LCOR: variants seen among roughly 807,000 people sequenced by gnomAD.
LCOR encodes the protein ligand-dependent corepressor.
Under a neutral mutation model 64.4 loss-of-function variants are expected in LCOR, and 14 were observed. The ratio of observed to expected loss-of-function variants is 0.22; its 90% CI spans 0.14 to 0.34. The LOEUF (loss-of-function observed/expected upper bound fraction) is 0.34. Among genes scored for constraint, LCOR ranks in the 10% least tolerant of loss-of-function variants. The pLI, the probability that LCOR is intolerant of heterozygous loss-of-function variation, is 1.00. For synonymous variants in LCOR, 643 were observed against 642.5 expected, an observed-to-expected ratio of 1.00 and a Z score of -0.01; for missense variants, 1,686 against 1,765.3, an observed-to-expected ratio of 0.96 and a Z score of 0.80.
At chr10:96,895,678 T>C (rs36099025) in intron 2 of LCOR, among the ~76,000 whole-genome samples, 3,463 of 152,352 alleles carry the variant, frequency 0.023, 66 homozygotes, top group Non-Finnish European at 0.037. Flanking sequence ...TTGCTGACCA[T>C]GCCTGCTTTC....
At chr10:96,946,758 C>T (rs1453250022) in intron 5 of LCOR, among the ~76,000 whole-genome samples, 2 of 152,046 alleles carry the variant, frequency 1.3e-5, no homozygotes, top group African/African-American at 4.8e-5. Flanking sequence ...AATAAAGAGA[C>T]AAGATACTGC....
chr10:96,880,698 A>G (rs1452443221), intron 2 of LCOR, among the ~76,000 whole-genome samples: 1 of 152,166 alleles, frequency 6.6e-6, no homozygotes, highest in Non-Finnish European at 1.5e-5. Flanking sequence ...ACACCTGGCC[A>G]GTTATCTGTC....
intron 4 of LCOR, among the ~76,000 whole-genome samples, chr10:96,916,807 G>GT (rs1204133932): frequency 6.6e-6 from 1 of 151,950 alleles, no homozygotes; most frequent in Non-Finnish European, 1.5e-5. Flanking sequence ...TAGAGATGGG[G>GT]TTTCACCATG....
rs898794767 is a variant in LCOR at position 96,986,694 on chromosome 10, T to C, written c.*1560T>C. The C allele has an allele frequency of 6.6e-6, 1 of 152,164 alleles. No homozygotes were observed. The highest frequency in any genetic ancestry group is 2.4e-5 in the African/African-American group (1 of 41,442). The allele number at this position is 152,164 out of a possible 1,614,324, so 9.4% of individuals were successfully genotyped here. A position where few individuals can be genotyped will look rare whatever the true frequency, so the allele number is the denominator to read the frequency against. On this transcript the variant is annotated 3_prime_UTR_variant, in exon 8 of 8. Transcript: ENST00000421806. ...GTGCAGCGTGTACTTGACTTTTCCA[T>C]TGGGCCGCTCTACAAAAAAAGGCTT...
At chr10:96,836,153 C>T (rs929962799) in intron 2 of LCOR, among the ~76,000 whole-genome samples, 5 of 152,188 alleles carry the variant, frequency 3.3e-5, no homozygotes, top group African/African-American at 9.7e-5. Flanking sequence ...CCCTAATTTC[C>T]TGAAATGTTC....
At chr10:96,872,310 C>T (rs11188959) in intron 2 of LCOR, among the ~76,000 whole-genome samples, 22,133 of 152,256 alleles carry the variant, frequency 0.15, 2,266 homozygotes, top group African/African-American at 0.28. Context: ...TAGCCTTTGT[C>T]ACTATGAGAT....
At chr10:96,834,944 G>C (rs7894418) in intron 2 of LCOR, among the ~76,000 whole-genome samples, 1 of 151,912 alleles carries the variant, frequency 6.6e-6, no homozygotes, top group Non-Finnish European at 1.5e-5. Flanking sequence ...TCTTTTGCCC[G>C]GGCTGGAGTG....
At chr10:96,835,326 A>G (rs1015533685) in intron 2 of LCOR, among the ~76,000 whole-genome samples, 1 of 152,232 alleles carries the variant, frequency 6.6e-6, no homozygotes, top group African/African-American at 2.4e-5. Flanking sequence ...CTTAAAGCAT[A>G]CTTTTAACTC....
At chr10:96,937,538 G>A (rs1459600283) in intron 4 of LCOR, among the ~76,000 whole-genome samples, 2 of 152,090 alleles carry the variant, frequency 1.3e-5, no homozygotes, top group African/African-American at 4.8e-5. Flanking sequence ...TTTAAATAGA[G>A]ATGGGGTCTC....
At chr10:96,955,869 T>C in intron 7 of LCOR, 1 of 1,614,134 alleles carries the variant, frequency 6.2e-7, no homozygotes. Flanking sequence ...AAAGATTGAA[T>C]TAGATCCCCA....
chr10:96,901,509 A>G (rs1268855333), intron 2 of LCOR, among the ~76,000 whole-genome samples: 1 of 152,132 alleles, frequency 6.6e-6, no homozygotes, highest in Non-Finnish European at 1.5e-5. Flanking sequence ...CCAACCCCCT[A>G]GTGCTGCCCC....
At chr10:96,843,973 A>G (rs1386454318) in intron 2 of LCOR, among the ~76,000 whole-genome samples, 1 of 152,206 alleles carries the variant, frequency 6.6e-6, no homozygotes, top group African/African-American at 2.4e-5. Context: ...TCTGTTTTAC[A>G]GGCGGGGAAA....
chr10:96,935,835 T>TAAAC (rs770705118), intron 4 of LCOR, among the ~76,000 whole-genome samples: 56 of 152,048 alleles, frequency 3.7e-4, no homozygotes, highest in Middle Eastern at 3.4e-3. Context: ...ATCCTGTCTT[T>TAAAC]AAACAAACAA....
chr10:96,882,318 G>A (rs573674010), intron 2 of LCOR, among the ~76,000 whole-genome samples: 135 of 152,296 alleles, frequency 8.9e-4, no homozygotes, highest in African/African-American at 3.2e-3. Flanking sequence ...AATCCAGCCT[G>A]ATACAGAAAG....
At chr10:96,947,681 T>C (rs116613328) in intron 5 of LCOR, among the ~76,000 whole-genome samples, 2,636 of 151,644 alleles carry the variant, frequency 0.017, 72 homozygotes, top group African/African-American at 0.058. Flanking sequence ...GAGAGTCTTA[T>C]CACTAATCAC....
Position 96,982,329 on chromosome 10 carries a change from C to G in LCOR, c.1869C>G (p.His623Gln). ...ASSLVWPLPA[H>Q]LPEEDLPEGG... ...GCCTGGTGTGGCCTCTCCCTGCTCA[C>G]CTTCCTGAAGAGGACCTGCCAGAAG... The change falls in exon 8 of 8, where the codon CAC becomes CAG. Residue 623 changes from histidine to glutamine, a missense_variant. His to Gln is a conservative substitution (Grantham distance 24, BLOSUM62 0). Transcript: ENST00000421806. 6.2e-7 allele frequency: 1 copy of G among 1,614,234 alleles called. No homozygotes were observed. Among genetic ancestry groups the G allele is most frequent in the Non-Finnish European group, 8.5e-7 (1 of 1,180,038 alleles).
intron 7 of LCOR, among the ~76,000 whole-genome samples, chr10:96,970,597 G>GCATTTTATTTTATTT (rs1353591151): frequency 8.4e-6 from 1 of 119,258 alleles, no homozygotes; most frequent in African/African-American, 4.1e-5. Context: ...ATCCTAACCA[G>GCATTTTATTTTATTT]CATTTTATTT....
chr10:96,912,416 A>G (rs966175208), intron 4 of LCOR, among the ~76,000 whole-genome samples: 2 of 152,186 alleles, frequency 1.3e-5, no homozygotes, highest in African/African-American at 4.8e-5. Flanking sequence ...ATAATCTGCA[A>G]ACCTTTGCGA....
At chr10:96,955,407 C>A in intron 7 of LCOR, 3 of 1,614,148 alleles carry the variant, frequency 1.9e-6, no homozygotes, top group African/African-American at 2.7e-5. Flanking sequence ...AGGAATGGAT[C>A]TTTCTTGGGA....
Sources: gnomAD v4.1 joint callset for allele counts (sites outside exome capture counted in the v4.1 genomes callset) on GRCh38, gnomAD v4.1.1 for gene constraint, MANE v1.5 for transcripts, NCBI Gene and HGNC (gene_info 2026-07-23, HGNC 2026-07-21) for gene names.